Variants in ACVR1C observed in about 807,000 individuals in gnomAD.
The protein encoded by ACVR1C is activin A receptor type 1C.
Under a neutral mutation model 57.9 loss-of-function variants are expected in ACVR1C, and 23 were observed. That is an observed-to-expected ratio of 0.40 (90% CI 0.29 to 0.56). ACVR1C has a LOEUF of 0.56. Ranked by LOEUF, ACVR1C falls within the 20% of genes least tolerant of loss-of-function variation. The probability of loss-of-function intolerance (pLI) is 0.50; values close to 1 mark genes in which losing one functional copy is unlikely to be tolerated. For missense variants in ACVR1C, 480 were observed against 607.9 expected (o/e 0.79, Z 2.21); for synonymous variants, 214 against 215.3 (o/e 0.99, Z 0.05).
intron 5 of ACVR1C, among the ~76,000 whole-genome samples, chr2:157,543,205 A>G (rs1367813590): frequency 6.6e-6 from 1 of 152,248 alleles, no homozygotes; most frequent in Admixed American, 6.5e-5. Flanking sequence ...GTTTTACAAA[A>G]TAAGTCTGAA....
chr2:157,547,846 T>G (rs376059453), intron 4 of ACVR1C, among the ~76,000 whole-genome samples: 108 of 151,902 alleles, frequency 7.1e-4, no homozygotes, highest in Non-Finnish European at 1.0e-3. Context: ...GTCAATTTTG[T>G]CTTTTGTTGC....
intron 1 of ACVR1C, among the ~76,000 whole-genome samples, chr2:157,623,672 G>C (rs530262392): frequency 1.4e-4 from 21 of 151,954 alleles, no homozygotes; most frequent in Non-Finnish European, 2.8e-4. Context: ...GAATGAATAG[G>C]ACCTACCATT....
At chr2:157,605,907 A>G (rs1682381634) in intron 1 of ACVR1C, among the ~76,000 whole-genome samples, 1 of 151,558 alleles carries the variant, frequency 6.6e-6, no homozygotes, top group African/African-American at 2.4e-5. Context: ...CTTCTAAATA[A>G]TTATATGTTT....
chr2:157,576,392 G>A (rs1385597357), intron 2 of ACVR1C, among the ~76,000 whole-genome samples: 1 of 151,798 alleles, frequency 6.6e-6, no homozygotes, highest in African/African-American at 2.4e-5. Context: ...TTTTAGTACA[G>A]ACAGGATTTC....
chr2:157,554,270 A>AGAAAGAAG (rs1558975131), intron 3 of ACVR1C, among the ~76,000 whole-genome samples: 5 of 136,898 alleles, frequency 3.7e-5, no homozygotes, highest in Non-Finnish European at 6.1e-5. Flanking sequence ...AAAGAAAGAA[A>AGAAAGAAG]GGAAGGAAGG....
At chr2:157,601,876 G>C (rs1397746086) in intron 1 of ACVR1C, among the ~76,000 whole-genome samples, 1 of 151,892 alleles carries the variant, frequency 6.6e-6, no homozygotes, top group Non-Finnish European at 1.5e-5. Context: ...AGATATTCTA[G>C]ATAACACATT....
chr2:157,606,777 A>AT (rs1682407782), intron 1 of ACVR1C, among the ~76,000 whole-genome samples: 1 of 151,740 alleles, frequency 6.6e-6, no homozygotes, highest in Non-Finnish European at 1.5e-5. Context: ...CACTCTGTTG[A>AT]TTGTTTCTTT....
intron 1 of ACVR1C, chr2:157,597,608 C>G: frequency 1.0e-6 from 1 of 980,302 alleles, no homozygotes. Context: ...CGGGTACCAT[C>G]TAGTGGCAGC....
intron 1 of ACVR1C, among the ~76,000 whole-genome samples, chr2:157,622,195 G>T (rs1682791680): frequency 6.6e-6 from 1 of 151,960 alleles, no homozygotes; most frequent in Admixed American, 6.6e-5. Flanking sequence ...GAAGACCAAA[G>T]CAATGGAAAA....
At chr2:157,606,127 T>C (rs191837217) in intron 1 of ACVR1C, among the ~76,000 whole-genome samples, 16 of 151,862 alleles carry the variant, frequency 1.1e-4, no homozygotes, top group Admixed American at 8.5e-4. Context: ...GCAAATAACA[T>C]GGTTACATTC....
intron 6 of ACVR1C, 96 bp from the exon 7 acceptor site, chr2:157,541,310 A>AT: frequency 7.6e-7 from 1 of 1,315,698 alleles, no homozygotes; most frequent in Non-Finnish European, 1.0e-6. Flanking sequence ...CCATTTTAAA[A>AT]GGCAGATTTG....
At chr2:157,612,781 C>G (rs941141349) in intron 1 of ACVR1C, among the ~76,000 whole-genome samples, 2 of 152,164 alleles carry the variant, frequency 1.3e-5, no homozygotes, top group South Asian at 4.1e-4. Context: ...GCTTTTGGGT[C>G]CAGCCAGCAC....
intron 2 of ACVR1C, among the ~76,000 whole-genome samples, chr2:157,575,450 G>C (rs1258438440): frequency 6.6e-6 from 1 of 152,084 alleles, no homozygotes; most frequent in Non-Finnish European, 1.5e-5. Flanking sequence ...TTTATTTTTT[G>C]TAGAGATGCA....
At chr2:157,551,666 C>T (rs1687926480) in intron 3 of ACVR1C, among the ~76,000 whole-genome samples, 1 of 152,070 alleles carries the variant, frequency 6.6e-6, no homozygotes, top group South Asian at 2.1e-4. Flanking sequence ...ATATTTATTG[C>T]TCTTAAAATC....
intron 4 of ACVR1C, among the ~76,000 whole-genome samples, chr2:157,547,187 T>C (rs1455220626): frequency 7.5e-6 from 1 of 132,626 alleles, no homozygotes; most frequent in African/African-American, 2.8e-5. Flanking sequence ...ATGGTGTATA[T>C]GTGCCACGTT....
Position 157,532,747 on chromosome 2 carries a change from G to A in ACVR1C, c.*1171C>T, listed in dbSNP as rs996532024. ...ATATCTATTTGCTGTTTCTGATACCGTCTGTAGGGTTTGGTTGTTAACACT... is the reference window on the plus strand; with the variant it reads ...ATATCTATTTGCTGTTTCTGATACCATCTGTAGGGTTTGGTTGTTAACACT... On this transcript the variant is annotated 3_prime_UTR_variant, in exon 9 of 9. Coordinates refer to ENST00000243349, the MANE Select transcript of ACVR1C (RefSeq NM_145259.3). 8 of 152,224 alleles carry A rather than the reference G, an allele frequency of 5.3e-5. No individual in the cohort carries two copies. Among genetic ancestry groups the A allele is most frequent in the African/African-American group, 1.4e-4 (6 of 41,552 alleles). 9.4% of individuals were successfully genotyped at this position (152,224 alleles called of 1,614,324 possible). A position where few individuals can be genotyped will look rare whatever the true frequency, so the allele number is the denominator to read the frequency against.
In ACVR1C at chr2:157,556,232, T is replaced by C; in HGVS notation, c.405A>G (p.Ala135=). ...TGTAGGAGCACTGTCGACCCTGGCA[T>C]GCCCATACTGTCAGCATCGCAGCTA... ...LSIAAMLTVW[A]CQGRQCSYRK... The change falls in exon 3 of 9, where the codon GCA becomes GCG. Residue 135 remains alanine, a synonymous_variant. Transcript: ENST00000243349. 2 of 1,614,140 alleles carry C rather than the reference T, an allele frequency of 1.2e-6. No homozygotes were observed. Among genetic ancestry groups the C allele is most frequent in the Non-Finnish European group, 1.7e-6 (2 of 1,180,016 alleles).
chr2:157,550,397 C>A lies in ACVR1C; in HGVS notation c.545-5G>T. On this transcript the variant is annotated splice_polypyrimidine_tract_variant and splice_region_variant and intron_variant, in intron 3 of 8. Transcript: ENST00000243349. ...TTTGAACCAACAGAGGTAGACCTAA[C>A]CAAAGAAAAGATGGAATTGATAATT... 3.1e-6 allele frequency: 5 copies of A among 1,608,594 alleles called. No homozygotes were observed. In the South Asian group the frequency reaches 5.5e-5, roughly 18 times the overall value.
intron 2 of ACVR1C, among the ~76,000 whole-genome samples, chr2:157,581,195 C>T (rs1688780321): frequency 6.6e-6 from 1 of 152,012 alleles, no homozygotes; most frequent in South Asian, 2.1e-4. Flanking sequence ...TTCCCAAGAC[C>T]ATGAGCTCAC....
Sources: allele counts gnomAD v4.1 joint callset (sites outside exome capture counted in the v4.1 genomes callset), GRCh38; gene constraint gnomAD v4.1.1; transcripts MANE v1.5; gene names NCBI Gene and HGNC (gene_info 2026-07-23, HGNC 2026-07-21).